Variants in SI observed in about 807,000 individuals in gnomAD.
SI encodes sucrase-isomaltase, intestinal.
SI carries 235 observed loss-of-function variants against 253.3 expected under a neutral mutation model. That is an observed-to-expected ratio of 0.93 (90% CI 0.83 to 1.03). SI has a LOEUF of 1.03. SI is among the 50% of genes least tolerant of loss of function. The pLI is 0.00. For missense variants in SI, 2,442 were observed against 2,211.1 expected, an observed-to-expected ratio of 1.10 and a Z score of -2.09; for synonymous variants, 819 against 712.0, an observed-to-expected ratio of 1.15 and a Z score of -2.39.
At chr3:165,082,317 T>C (rs908314481), upstream of SI, among the ~76,000 whole-genome samples, 1 of 151,992 alleles carries the variant, frequency 6.6e-6, no homozygotes, top group African/African-American at 2.4e-5. Flanking sequence ...TATTTGCTGC[T>C]ACTGGTATAA....
chr3:164,996,675 T>C (rs1320594904), intron 39 of SI, 24 bp from the exon 40 acceptor site: 1 of 1,380,324 alleles, frequency 7.2e-7, no homozygotes, highest in Admixed American at 1.7e-5. Context: ...TTATATTTAG[T>C]TAAATTTGAA....
intron 47 of SI, 76 bp downstream of exon 47, chr3:164,982,167 G>A: frequency 9.4e-7 from 1 of 1,059,068 alleles, no homozygotes; most frequent in Non-Finnish European, 1.4e-6. Context: ...GTTTCTTACA[G>A]ATGAGGGATA....
Position 165,067,495 on chromosome 3 carries a change from G to A in SI, c.484-4C>T. 1 of 1,605,416 alleles carries A rather than the reference G, an allele frequency of 6.2e-7. No individual in the cohort carries two copies. The highest frequency in any genetic ancestry group is 8.5e-7 in the Non-Finnish European group (1 of 1,172,714). On this transcript the variant is annotated splice_region_variant and splice_polypyrimidine_tract_variant and intron_variant, in intron 5 of 47. Coordinates refer to ENST00000264382, the MANE Select transcript of SI (RefSeq NM_001041.4). The stretch of plus-strand genomic sequence containing the variant: ...TTCTATTATTTGGATCAGTAATCTG[G>A]AAAGATTTAAGCAAGGTAGCATTAC...
chr3:165,034,503 C>G lies in SI; in HGVS notation c.2516-1059G>C, dbSNP rs548741375. 2.0e-5 allele frequency among the ~76,000 whole-genome samples: 3 copies of G among 152,016 alleles called. No homozygotes were observed. In the East Asian group the frequency reaches 5.8e-4, roughly 30 times the overall value. ...TAAGTTCAGCTGAAATCCACTTTTA[C>G]AAAACTTCTATGTACTAAGTTTTGG... is the stretch of plus-strand genomic sequence containing the variant. On this transcript the variant is annotated intron_variant, in intron 22 of 47. Transcript: ENST00000264382.
At chr3:164,991,252 GC>G (rs1717720606) in intron 44 of SI, 100 bp downstream of exon 44, 5 of 1,315,454 alleles carry the variant, frequency 3.8e-6, no homozygotes, top group Non-Finnish European at 5.5e-6. Context: ...TAATGTACTA[GC>G]TTGGCGATGG....
chr3:164,982,098 A>C, intron 47 of SI, 145 bp downstream of exon 47: 1 of 625,550 alleles, frequency 1.6e-6, no homozygotes, highest in South Asian at 2.0e-5. Context: ...TAAGGAAATA[A>C]ATATGGAGGC....
At chr3:164,999,325 T>G (rs189605464) in intron 37 of SI, among the ~76,000 whole-genome samples, 3 of 151,800 alleles carry the variant, frequency 2.0e-5, no homozygotes, top group Admixed American at 1.3e-4. Flanking sequence ...TGTTCTAGTT[T>G]TAGAAAAAAA....
At chr3:165,032,405 C>A in intron 24 of SI, 117 bp downstream of exon 24, 2 of 625,008 alleles carry the variant, frequency 3.2e-6, no homozygotes, top group South Asian at 2.5e-5. Flanking sequence ...AAGGAAGCAA[C>A]GAAGGGAAGA....
At chr3:165,063,058 G>T (rs1714059638) in intron 8 of SI, among the ~76,000 whole-genome samples, 1 of 151,920 alleles carries the variant, frequency 6.6e-6, no homozygotes, top group South Asian at 2.1e-4. Context: ...TATGAGTTAT[G>T]ATAAACTAAA....
chr3:165,072,508 A>C (rs1714651348), intron 3 of SI, among the ~76,000 whole-genome samples: 1 of 152,096 alleles, frequency 6.6e-6, no homozygotes, highest in Non-Finnish European at 1.5e-5. Flanking sequence ...AAAGGCAAAT[A>C]TTTAGGCCCG....
chr3:165,041,758 G>T (rs1272963268), intron 17 of SI, among the ~76,000 whole-genome samples: 1 of 152,030 alleles, frequency 6.6e-6, no homozygotes, highest in East Asian at 1.9e-4. Flanking sequence ...TAGACCTCTT[G>T]CTTTGGATAA....
chr3:165,063,578 A>G (rs755617649), intron 7 of SI, 37 bp from the exon 8 acceptor site: 2 of 925,462 alleles, frequency 2.2e-6, no homozygotes, highest in Non-Finnish European at 3.5e-6. Flanking sequence ...ATTTTCAAAT[A>G]TGTTTAAAAC....
At chr3:165,059,783 G>C in intron 10 of SI, 119 bp downstream of exon 10, 5 of 1,029,188 alleles carry the variant, frequency 4.9e-6, no homozygotes, top group Middle Eastern at 5.6e-4. Flanking sequence ...TTAAAAGGCA[G>C]CCTCTTAATT....
chr3:165,004,706 C>A (rs954506076), intron 37 of SI, among the ~76,000 whole-genome samples: 1 of 152,144 alleles, frequency 6.6e-6, no homozygotes, highest in Admixed American at 6.6e-5. Flanking sequence ...AGAAAAACTT[C>A]ATATGTTCTC....
chr3:165,039,805 A>G (rs917585315), intron 19 of SI, 82 bp downstream of exon 19: 11 of 935,200 alleles, frequency 1.2e-5, no homozygotes, highest in South Asian at 1.3e-5. Flanking sequence ...AGTAACATCT[A>G]TTATTCAGAT....
chr3:165,019,578 G>T, intron 28 of SI, 24 bp downstream of exon 28: 1 of 1,607,904 alleles, frequency 6.2e-7, no homozygotes, highest in South Asian at 1.1e-5. Context: ...TTGCCTCGTG[G>T]AGTGGTCATA....
intron 13 of SI, among the ~76,000 whole-genome samples, 174 bp downstream of exon 13, chr3:165,055,020 T>C (rs1713627544): frequency 6.6e-6 from 1 of 152,204 alleles, no homozygotes; most frequent in African/African-American, 2.4e-5. Flanking sequence ...TGTTTTGTTT[T>C]CTTACTTATG....
chr3:164,987,612 G>A, intron 44 of SI, among the ~76,000 whole-genome samples: 1 of 152,056 alleles, frequency 6.6e-6, no homozygotes, highest in Admixed American at 6.5e-5. Flanking sequence ...GGGAGGCTGA[G>A]GCAGGGCAAT....
intron 6 of SI, among the ~76,000 whole-genome samples, chr3:165,065,780 C>T (rs1486023058): frequency 6.6e-6 from 1 of 151,342 alleles, no homozygotes; most frequent in African/African-American, 2.4e-5. Flanking sequence ...GGCAGGAGAG[C>T]CAAGTTTCAA....
Sources: gnomAD v4.1 joint callset for allele counts (sites outside exome capture counted in the v4.1 genomes callset) on GRCh38, gnomAD v4.1.1 for gene constraint, MANE v1.5 for transcripts, NCBI Gene and HGNC (gene_info 2026-07-23, HGNC 2026-07-21) for gene names.